NCOR2: variants seen among roughly 807,000 people sequenced by gnomAD.
NCOR2 encodes the protein nuclear receptor corepressor 2.
Under a neutral mutation model 262.9 loss-of-function variants are expected in NCOR2, and 81 were observed. The ratio of observed to expected loss-of-function variants is 0.31; its 90% CI spans 0.26 to 0.37. NCOR2 has a LOEUF of 0.37. Among genes scored for constraint, NCOR2 ranks in the 10% least tolerant of loss-of-function variants. The pLI is 1.00. For synonymous variants in NCOR2, 1,659 were observed against 1,559.3 expected, an observed-to-expected ratio of 1.06 and a Z score of -1.51; for missense variants, 3,385 against 3,621.4, an observed-to-expected ratio of 0.93 and a Z score of 1.68.
chr12:124,496,569 GA>G (rs1364711406), upstream of NCOR2, among the ~76,000 whole-genome samples: 2 of 151,990 alleles, frequency 1.3e-5, no homozygotes, highest in Non-Finnish European at 2.9e-5. The surrounding 1 kb of genome is among the most constrained non-coding windows in gnomAD (Gnocchi z 4.4). Context: ...AATTTCATCA[GA>G]ACACCCCCTC....
intron 16 of NCOR2, among the ~76,000 whole-genome samples, chr12:124,395,704 G>C (rs536179971): frequency 9.1e-4 from 139 of 152,248 alleles, no homozygotes; most frequent in African/African-American, 3.1e-3. Context: ...GTGGGGGCGG[G>C]GGTGGTCACC....
At chr12:124,489,970 G>A (rs2047994486) in intron 1 of NCOR2, among the ~76,000 whole-genome samples, 1 of 152,188 alleles carries the variant, frequency 6.6e-6, no homozygotes, top group Non-Finnish European at 1.5e-5. Flanking sequence ...GAAAGGAAAG[G>A]AAGAATTCAG....
intron 1 of NCOR2, among the ~76,000 whole-genome samples, chr12:124,487,036 C>G (rs1179011983): frequency 6.6e-6 from 1 of 152,216 alleles, no homozygotes; most frequent in Non-Finnish European, 1.5e-5. Flanking sequence ...GTGGGTCCCT[C>G]CAGCCTGAGG....
chr12:124,450,009 A>G, intron 6 of NCOR2, 142 bp from the exon 9 acceptor site: 1 of 788,894 alleles, frequency 1.3e-6, no homozygotes, highest in Non-Finnish European at 2.0e-6. Flanking sequence ...GAAACAGAAC[A>G]CAGGGACCCA....
chr12:124,370,084 C>T (rs1368681064), intron 20 of NCOR2, among the ~76,000 whole-genome samples: 1 of 152,200 alleles, frequency 6.6e-6, no homozygotes, highest in Non-Finnish European at 1.5e-5. Flanking sequence ...AGGAGCGGGG[C>T]GGGGAGCCGT....
In NCOR2 at chr12:124,401,486, G is replaced by A. The variant is rs749941476; in HGVS notation, c.1641-813C>T. Among the ~76,000 whole-genome samples, 137 of 152,196 alleles carry A rather than the reference G, an allele frequency of 9.0e-4. 1 individual carries two copies. The highest frequency in any genetic ancestry group is 4.4e-4 in the Non-Finnish European group (30 of 68,030). On this transcript the variant is annotated intron_variant, in intron 14 of 46. Transcript: ENST00000405201. ...AGCAATTTATAGGGCCATTTTATTC[G>A]CCACAGAGGAGCTATTTCCAGAGGG...
intron 20 of NCOR2, among the ~76,000 whole-genome samples, chr12:124,368,440 G>C (rs914917848): frequency 1.3e-5 from 2 of 152,130 alleles, no homozygotes; most frequent in African/African-American, 2.4e-5. Context: ...GAGAGGGAGG[G>C]CTGGTTTGTG....
chr12:124,470,168 A>G (rs1329571583), intron 4 of NCOR2, among the ~76,000 whole-genome samples: 3 of 96,978 alleles, frequency 3.1e-5, no homozygotes, highest in Admixed American at 1.1e-4. Context: ...TCCATCTCAG[A>G]AAAAAAAAAA....
chr12:124,559,079 T>C (rs955564953), intron 1 of NCOR2, among the ~76,000 whole-genome samples: 4 of 152,146 alleles, frequency 2.6e-5, no homozygotes, highest in Non-Finnish European at 5.9e-5. Flanking sequence ...TGCAGGCACA[T>C]ACGCACAGAC....
In NCOR2 at chr12:124,335,008, G is replaced by A. The variant is rs1022086772; in HGVS notation, c.6411+127C>T. Reference sequence around the variant, plus strand: ...CTCACCCACGCCCTGGATCCCCCCAGCGCCATGCCCTGGATCCCCCAGCCA... The same window carrying A: ...CTCACCCACGCCCTGGATCCCCCCAACGCCATGCCCTGGATCCCCCAGCCA... On this transcript the variant is annotated intron_variant, in intron 40 of 46. Transcript: ENST00000405201. 5.6e-6 allele frequency: 8 copies of A among 1,434,908 alleles called. No homozygotes were observed. The African/African-American group carries it at 1.1e-4, about 20-fold the overall frequency. The allele number at this position is 1,434,908 out of a possible 1,614,324, so 88.9% of individuals were successfully genotyped here.
At chr12:124,466,397 A>T in intron 4 of NCOR2, 111 bp from the exon 7 acceptor site, 1 of 903,294 alleles carries the variant, frequency 1.1e-6, no homozygotes, top group South Asian at 1.5e-5. Context: ...GGCCGCGCAC[A>T]GGAAGTCAGG....
chr12:124,455,262 A>G (rs955546580), intron 6 of NCOR2, among the ~76,000 whole-genome samples: 1 of 152,222 alleles, frequency 6.6e-6, no homozygotes, highest in African/African-American at 2.4e-5. Context: ...AGCTGTTTAC[A>G]AAACAAAAAA....
At chr12:124,524,838 C>T (rs864492) in intron 1 of NCOR2, among the ~76,000 whole-genome samples, 34,892 of 151,746 alleles carry the variant, frequency 0.23, 4,592 homozygotes, top group Non-Finnish European at 0.31. Context: ...CCTCACCACC[C>T]GCGATAGCAC....
At chr12:124,339,029 CACCT>C (rs1373336066) in intron 37 of NCOR2, among the ~76,000 whole-genome samples, 8 of 150,428 alleles carry the variant, frequency 5.3e-5, no homozygotes, top group Non-Finnish European at 8.9e-5. Context: ...CTCACCCACC[CACCT>C]ACCTACCTAA....
intron 7 of NCOR2, among the ~76,000 whole-genome samples, chr12:124,438,402 G>A (rs994306424): frequency 6.6e-6 from 1 of 152,080 alleles, no homozygotes. Flanking sequence ...CCCACAGGCC[G>A]GGTGTCAGAG....
At chr12:124,493,256 G>A (rs1467758400) in intron 1 of NCOR2, among the ~76,000 whole-genome samples, 3 of 152,174 alleles carry the variant, frequency 2.0e-5, no homozygotes, top group African/African-American at 4.8e-5. Flanking sequence ...GGGTGAGGGC[G>A]GTTGAGAAGA....
At chr12:124,487,476 T>C (rs892864407) in intron 1 of NCOR2, among the ~76,000 whole-genome samples, 1 of 152,246 alleles carries the variant, frequency 6.6e-6, no homozygotes, top group Non-Finnish European at 1.5e-5. Context: ...CTCTGACCCA[T>C]CCTCTCTCTA....
At chr12:124,383,020 G>A (rs2040523802) in intron 17 of NCOR2, among the ~76,000 whole-genome samples, 1 of 151,966 alleles carries the variant, frequency 6.6e-6, no homozygotes, top group Admixed American at 6.6e-5. Flanking sequence ...CTTCTGGGAT[G>A]CCTCTTTGAA....
intron 27 of NCOR2, among the ~76,000 whole-genome samples, chr12:124,353,734 G>A (rs954858233): frequency 6.6e-6 from 1 of 152,190 alleles, no homozygotes; most frequent in Non-Finnish European, 1.5e-5. Context: ...ATTTCTTCTG[G>A]CCACAGCTGA....
Sources: gnomAD v4.1 joint callset for allele counts (sites outside exome capture counted in the v4.1 genomes callset) on GRCh38, gnomAD v4.1.1 for gene constraint, Gnocchi (gnomAD v3.1) non-coding constraint, MANE v1.5 for transcripts, NCBI Gene and HGNC (gene_info 2026-07-23, HGNC 2026-07-21) for gene names.